CSRNP1: variants seen among roughly 807,000 people sequenced by gnomAD.
The protein encoded by CSRNP1 is cysteine/serine-rich nuclear protein 1.
A neutral mutation model predicts 25.0 loss-of-function variants in CSRNP1; 8 were observed. The observed-to-expected ratio is 0.32, with a 90% CI of 0.19 to 0.58. The LOEUF is 0.58. Ranked by LOEUF, CSRNP1 falls within the 20% of genes least tolerant of loss-of-function variation. CSRNP1 has a pLI of 0.88. For missense variants in CSRNP1, 691 were observed against 773.1 expected (o/e 0.89, Z 1.26); for synonymous variants, 305 against 303.1 (o/e 1.01, Z -0.06).
At position 39,145,142 on chromosome 3, in the gene CSRNP1, C is replaced by T; in HGVS notation, c.320G>A (p.Gly107Asp). Residue 107 changes from glycine (G) to aspartate (D), a missense_variant, in exon 3 of 5, where the codon GGT (glycine) becomes GAT (aspartate). By Grantham distance (94) the Gly-to-Asp change is moderately conservative (BLOSUM62 -1). Transcript: ENST00000273153. ...CQGFTSVPSRGGCTLGMALRH... is the reference protein window; with the variant it reads ...CQGFTSVPSRDGCTLGMALRH... ...AAGGGCCATACCCAGAGTACAGCCA[C>T]CACGGCTGGGCACACTGGTGAAGCC... 6.2e-7 allele frequency: 1 copy of T among 1,614,278 alleles called. No homozygotes were observed. Among genetic ancestry groups the T allele is most frequent in the South Asian group, 1.1e-5 (1 of 91,092 alleles).
chr3:39,143,310 A>T lies in CSRNP1; in HGVS notation c.1515T>A (p.Phe505Leu), dbSNP rs558531976. The T allele has an allele frequency of 6.2e-7, 1 of 1,614,182 alleles. No homozygotes were observed. Among genetic ancestry groups the T allele is most frequent in the East Asian group, 2.2e-5 (1 of 44,880 alleles). The part of the protein sequence containing the change: ...VDLSLSSCDS[F>L]ELLQALPDYS... ...AATCTGGCAGAGCCTGGAGTAACTC[A>T]AAGGAGTCACAAGAAGACAAGCTGA... is the stretch of plus-strand genomic sequence containing the variant. Residue 505 changes from phenylalanine to leucine, a missense_variant, in exon 5 of 5, where the codon TTT (phenylalanine) becomes TTA (leucine). Phe to Leu is a conservative substitution (Grantham distance 22). Transcript: ENST00000273153.
At chr3:39,144,713 C>A (rs2039480440) in intron 3 of CSRNP1, among the ~76,000 whole-genome samples, 2 of 151,978 alleles carry the variant, frequency 1.3e-5, no homozygotes, top group African/African-American at 2.4e-5. Context: ...CAGATACGCA[C>A]CCCCTCCAGT....
chr3:39,145,631 A>G (rs1309662757), intron 2 of CSRNP1, among the ~76,000 whole-genome samples: 1 of 152,178 alleles, frequency 6.6e-6, no homozygotes, highest in Non-Finnish European at 1.5e-5. Flanking sequence ...TTTACAAGTT[A>G]ATGTTTATTG....
chr3:39,147,239 G>C (rs1017235566), intron 1 of CSRNP1, among the ~76,000 whole-genome samples: 1 of 142,120 alleles, frequency 7.0e-6, no homozygotes, highest in Non-Finnish European at 1.6e-5. Context: ...GTGTGTGTAT[G>C]TGTGTGTGTG....
Position 39,153,480 on chromosome 3 carries a change from T to TC in CSRNP1, c.-84dup. ...GCGGAGGACAACGACGCGACCCGCG[T>TC]CCCGGCCGGGGACGCCCCCTGCGCC... On this transcript the variant is annotated 5_prime_UTR_variant, in exon 1 of 5. Coordinates refer to ENST00000273153, the MANE Select transcript of CSRNP1 (RefSeq NM_033027.4). The TC allele has an allele frequency of 3.2e-6, 1 of 315,062 alleles. No homozygotes were observed. The allele number at this position is 315,062 out of a possible 1,614,324, so 19.5% of individuals were successfully genotyped here.
Position 39,144,158 on chromosome 3 carries a change from G to C in CSRNP1, c.759C>G (p.Ser253Arg). The C allele has an allele frequency of 6.2e-7, 1 of 1,613,332 alleles. No homozygotes were observed. Among genetic ancestry groups the C allele is most frequent in the Non-Finnish European group, 8.5e-7 (1 of 1,179,528 alleles). Residue 253 changes from serine (S) to arginine (R), a missense_variant, in exon 4 of 5, where the codon AGC (serine) becomes AGG (arginine). By Grantham distance (110) the Ser-to-Arg change is moderately radical. Coordinates refer to ENST00000273153, the MANE Select transcript of CSRNP1 (RefSeq NM_033027.4). ...RICDPETCSC[S>R]LAGIKCQMDH... The stretch of plus-strand genomic sequence containing the variant: ...ACACCTGGCACTTGATGCCTGCCAG[G>C]CTGCAGCTGCAGGTCTCAGGGTCGC...
chr3:39,146,799 C>T, intron 1 of CSRNP1, 77 bp from the exon 2 acceptor site: 2 of 1,486,184 alleles, frequency 1.3e-6, no homozygotes, highest in Non-Finnish European at 1.8e-6. Context: ...CATCATCCCT[C>T]CCACTTACCC....
chr3:39,142,594 CAAAT>C lies in CSRNP1; in HGVS notation c.*457_*460del, dbSNP rs1268075826. The C allele has an allele frequency of 6.5e-6, 1 of 153,714 alleles. No homozygotes were observed. The highest frequency in any genetic ancestry group is 2.4e-5 in the African/African-American group (1 of 41,496). The allele number at this position is 153,714 out of a possible 1,614,324, so 9.5% of individuals were successfully genotyped here. A position where few individuals can be genotyped will look rare whatever the true frequency, so the allele number is the denominator to read the frequency against. ...GTGCAACCAAAGCCTCCTCAATCTC[CAAAT>C]AAATTATGGAAATAAATTATAGTCT... is the stretch of plus-strand genomic sequence containing the variant. On this transcript the variant is annotated 3_prime_UTR_variant, in exon 5 of 5. Transcript: ENST00000273153.
intron 4 of CSRNP1, 30 bp from the exon 5 acceptor site, chr3:39,144,074 G>A (rs2039464958): frequency 6.2e-7 from 1 of 1,606,264 alleles, no homozygotes; most frequent in Admixed American, 1.7e-5. Flanking sequence ...TACAAGTGAG[G>A]GTTCTGTGGA....
Position 39,143,026 on chromosome 3 carries a change from C to A in CSRNP1, c.*29G>T. On this transcript the variant is annotated 3_prime_UTR_variant, in exon 5 of 5. Coordinates refer to ENST00000273153, the MANE Select transcript of CSRNP1 (RefSeq NM_033027.4). ...ATTACAAGAAAGCAGCAACAGGTCTCTTGGGGCTGGGAAAAGACATCCTGG... is the reference window on the plus strand; with the variant it reads ...ATTACAAGAAAGCAGCAACAGGTCTATTGGGGCTGGGAAAAGACATCCTGG... 1.3e-6 allele frequency: 2 copies of A among 1,530,726 alleles called. No individual in the cohort carries two copies. Among genetic ancestry groups the A allele is most frequent in the East Asian group, 2.3e-5 (1 of 44,058 alleles). The allele number at this position is 1,530,726 out of a possible 1,614,324, so 94.8% of individuals were successfully genotyped here.
chr3:39,143,883 G>T lies in CSRNP1; in HGVS notation c.942C>A (p.Ala314=). Reference sequence around the variant, plus strand: ...GGCTGGGTGGGCTGCCCTGGGCAGGGGCCTCCAGCTCCCTAAAGCTCTCAG... The same window carrying T: ...GGCTGGGTGGGCTGCCCTGGGCAGGTGCCTCCAGCTCCCTAAAGCTCTCAG... The part of the protein sequence containing the change: ...QEAESFRELE[A]PAQGSPPSPG... Residue 314 remains alanine (A), a synonymous_variant, in exon 5 of 5, where the codon GCC becomes GCA. Coordinates refer to ENST00000273153, the MANE Select transcript of CSRNP1 (RefSeq NM_033027.4). The T allele has an allele frequency of 3.7e-6, 6 of 1,614,166 alleles. No homozygotes were observed. Among genetic ancestry groups the T allele is most frequent in the Non-Finnish European group, 5.1e-6 (6 of 1,180,014 alleles).
chr3:39,150,767 A>T (rs953013399), intron 1 of CSRNP1: 3 of 152,284 alleles, frequency 2.0e-5, no homozygotes, highest in Non-Finnish European at 4.4e-5. Context: ...ACTTAAGGTG[A>T]GGAGGTTATG....
Position 39,143,643 on chromosome 3 carries a change from G to C in CSRNP1, c.1182C>G (p.Ile394Met). The change falls in exon 5 of 5, where the codon ATC becomes ATG. Residue 394 changes from isoleucine to methionine, a missense_variant. Physicochemically the swap from Ile to Met is conservative, Grantham distance 10. Coordinates refer to ENST00000273153, the MANE Select transcript of CSRNP1 (RefSeq NM_033027.4). ...CGAAGTCAGAGTCACTGAAACTCAAGATGCGTGCCAGGCTGTCATCATCAA... is the reference window on the plus strand; with the variant it reads ...CGAAGTCAGAGTCACTGAAACTCAACATGCGTGCCAGGCTGTCATCATCAA... ...PGVDDDSLAR[I>M]LSFSDSDFGG... 1 of 1,614,192 alleles carries C rather than the reference G, an allele frequency of 6.2e-7. No individual in the cohort carries two copies. The highest frequency in any genetic ancestry group is 1.7e-5 in the Admixed American group (1 of 60,032).
chr3:39,146,197 C>T (rs1005623199), intron 2 of CSRNP1, among the ~76,000 whole-genome samples: 11 of 152,086 alleles, frequency 7.2e-5, no homozygotes, highest in Non-Finnish European at 1.2e-4. Flanking sequence ...ATTGGAGAAA[C>T]GAAACTGGAA....
rs1212066771 is a variant in CSRNP1, at chr3:39,144,405, A to C, written c.512T>G (p.Val171Gly). 1.2e-6 allele frequency: 2 copies of C among 1,612,024 alleles called. No homozygotes were observed. The highest frequency in any genetic ancestry group is 1.7e-6 in the Non-Finnish European group (2 of 1,178,790). ...VPQAEAGLPP[V>G]VDAIDDASVE... ...AGAGGCGTCATCAATGGCATCCACC[A>C]CAGGTGGCAGCCCTGCCTCTGCCTG... is the stretch of plus-strand genomic sequence containing the variant. The change falls in exon 4 of 5, where the codon GTG (valine) becomes GGG (glycine). Residue 171 changes from valine (V) to glycine (G), a missense_variant. Val to Gly is a moderately radical substitution (Grantham distance 109). Transcript: ENST00000273153.
chr3:39,148,945 G>A (rs1017294693), intron 1 of CSRNP1: 4 of 152,250 alleles, frequency 2.6e-5, no homozygotes, highest in Non-Finnish European at 5.9e-5. Context: ...TTTGAACTCT[G>A]GCTCCACTGT....
At chr3:39,148,762 G>A (rs903628235) in intron 1 of CSRNP1, 20 of 152,266 alleles carry the variant, frequency 1.3e-4, no homozygotes, top group African/African-American at 4.8e-4. Context: ...GCCATGCCTG[G>A]GAGTTCATGT....
chr3:39,144,374 C>T lies in CSRNP1; in HGVS notation c.543G>A (p.Glu181=). 2 of 1,614,082 alleles carry T rather than the reference C, an allele frequency of 1.2e-6. No individual in the cohort carries two copies. Among genetic ancestry groups the T allele is most frequent in the Non-Finnish European group, 8.5e-7 (1 of 1,180,036 alleles). ...CTGCCACAGCGACTGCCAAGTCCTC[C>T]TCCACAGAGGCGTCATCAATGGCAT... ...VVDAIDDASV[E]EDLAVAVAGG... is the part of the protein sequence containing the mutation. Residue 181 remains glutamate (E), a synonymous_variant, in exon 4 of 5, where the codon GAG becomes GAA. Transcript: ENST00000273153.
chr3:39,144,933 C>G, intron 3 of CSRNP1, 64 bp downstream of exon 3: 2 of 1,524,934 alleles, frequency 1.3e-6, no homozygotes, highest in Non-Finnish European at 1.8e-6. Context: ...GGTACGCCCA[C>G]CCCTCAAGGT....
Sources: allele counts gnomAD v4.1 joint callset (sites outside exome capture counted in the v4.1 genomes callset), GRCh38; gene constraint gnomAD v4.1.1; transcripts MANE v1.5; gene names NCBI Gene and HGNC (gene_info 2026-07-23, HGNC 2026-07-21).